GPC5: variants seen among roughly 807,000 people sequenced by gnomAD.
The protein encoded by GPC5 is glypican 5, also known as glypican-5.
A neutral mutation model predicts 53.9 loss-of-function variants in GPC5; 47 were observed. That is an observed-to-expected ratio of 0.87 (90% CI 0.69 to 1.11). The LOEUF (loss-of-function observed/expected upper bound fraction) is 1.11. GPC5 is among the 50% of genes most tolerant of loss of function. The probability of loss-of-function intolerance (pLI) is 0.00; values close to 1 mark genes in which losing one functional copy is unlikely to be tolerated. For missense variants in GPC5, 748 were observed against 713.1 expected (o/e 1.05, Z -0.56); for synonymous variants, 286 against 263.3 (o/e 1.09, Z -0.84).
chr13:91,831,959 T>C (rs1430491371), intron 5 of GPC5, among the ~76,000 whole-genome samples: 2 of 151,968 alleles, frequency 1.3e-5, no homozygotes, highest in Non-Finnish European at 1.5e-5. Context: ...GAGAGTTCTG[T>C]AGATGCCTAT....
chr13:92,091,486 T>C (rs1431753424), intron 6 of GPC5, among the ~76,000 whole-genome samples: 3 of 151,956 alleles, frequency 2.0e-5, no homozygotes, highest in Admixed American at 2.0e-4. Flanking sequence ...AAATTTATTT[T>C]ATAAATGAAC....
intron 7 of GPC5, among the ~76,000 whole-genome samples, chr13:92,287,108 TAACA>T (rs1161038804): frequency 6.6e-6 from 1 of 152,206 alleles, no homozygotes; most frequent in Non-Finnish European, 1.5e-5. Context: ...TATGGCAGCC[TAACA>T]AACTAATGGA....
intron 3 of GPC5, among the ~76,000 whole-genome samples, chr13:91,719,579 G>A (rs1451135474): frequency 6.6e-6 from 1 of 151,966 alleles, no homozygotes; most frequent in Admixed American, 6.6e-5. Flanking sequence ...CTTTTATTCA[G>A]TTATTGACAT....
At chr13:91,674,214 T>A (rs1163610119) in intron 2 of GPC5, among the ~76,000 whole-genome samples, 3 of 152,068 alleles carry the variant, frequency 2.0e-5, no homozygotes, top group African/African-American at 7.2e-5. Flanking sequence ...TTGGATAAGA[T>A]TATTTCTGGG....
intron 7 of GPC5, among the ~76,000 whole-genome samples, chr13:92,555,775 G>T (rs1438785358): frequency 6.7e-6 from 1 of 149,630 alleles, no homozygotes; most frequent in African/African-American, 2.4e-5. Flanking sequence ...TAATAAATAT[G>T]TTTAAAATAT....
chr13:92,251,503 T>C (rs1342970954), intron 7 of GPC5, among the ~76,000 whole-genome samples: 1 of 152,060 alleles, frequency 6.6e-6, no homozygotes, highest in East Asian at 1.9e-4. Context: ...GGGTGTAGCC[T>C]GAGGTAGGGG....
At chr13:91,866,125 C>T (rs1256653968) in intron 5 of GPC5, among the ~76,000 whole-genome samples, 1 of 152,182 alleles carries the variant, frequency 6.6e-6, no homozygotes, top group East Asian at 1.9e-4. Context: ...ACCTCAGCCT[C>T]CCAAAGTGCT....
intron 7 of GPC5, among the ~76,000 whole-genome samples, chr13:92,781,490 T>G (rs1214287169): frequency 1.3e-5 from 2 of 152,162 alleles, no homozygotes; most frequent in Non-Finnish European, 2.9e-5. Flanking sequence ...ATTATTTTGA[T>G]GTACAGGTTT....
chr13:92,866,178 T>A, intron 7 of GPC5, 104 bp from the exon 8 acceptor site: 1 of 907,672 alleles, frequency 1.1e-6, no homozygotes, highest in South Asian at 2.5e-5. Context: ...TAGAGAATGG[T>A]CCCCAAAAAC....
chr13:92,547,967 C>T (rs1304870269), intron 7 of GPC5, among the ~76,000 whole-genome samples: 1 of 150,226 alleles, frequency 6.7e-6, no homozygotes, highest in Non-Finnish European at 1.5e-5. Context: ...GGAGCTGGGA[C>T]TACAGGTGCC....
chr13:91,687,685 T>C (rs1053579748), intron 2 of GPC5, among the ~76,000 whole-genome samples: 1 of 152,040 alleles, frequency 6.6e-6, no homozygotes, highest in African/African-American at 2.4e-5. Context: ...GATAGACTTA[T>C]TCTGATATCA....
intron 5 of GPC5, among the ~76,000 whole-genome samples, chr13:91,848,769 T>C (rs1054417162): frequency 3.3e-5 from 5 of 152,196 alleles, no homozygotes; most frequent in African/African-American, 1.2e-4. Context: ...CCAGAGACAT[T>C]CTGATGATTG....
chr13:92,113,440 G>C (rs77256561), intron 6 of GPC5, among the ~76,000 whole-genome samples: 3,878 of 152,232 alleles, frequency 0.025, 167 homozygotes, highest in African/African-American at 0.089. Flanking sequence ...ATGTCTCTTT[G>C]TTGACTAAGC....
At chr13:91,514,773 T>A (rs1303651873) in intron 2 of GPC5, among the ~76,000 whole-genome samples, 2 of 152,196 alleles carry the variant, frequency 1.3e-5, no homozygotes, top group Non-Finnish European at 2.9e-5. Flanking sequence ...GAGGTCTTTC[T>A]TTTGTAACTC....
At chr13:92,732,720 T>C (rs1888840013) in intron 7 of GPC5, among the ~76,000 whole-genome samples, 1 of 151,744 alleles carries the variant, frequency 6.6e-6, no homozygotes, top group African/African-American at 2.4e-5. Context: ...CAGTTCCTAG[T>C]ATCTTCTTAC....
intron 3 of GPC5, among the ~76,000 whole-genome samples, chr13:91,716,380 C>T (rs1331875833): frequency 2.6e-5 from 4 of 152,236 alleles, no homozygotes; most frequent in Admixed American, 6.5e-5. Flanking sequence ...TTCACAGTAA[C>T]GTGAGAGACT....
intron 2 of GPC5, among the ~76,000 whole-genome samples, chr13:91,546,717 A>G (rs1452434987): frequency 6.6e-6 from 1 of 152,134 alleles, no homozygotes; most frequent in Non-Finnish European, 1.5e-5. Flanking sequence ...AACAAGTGCA[A>G]GAAGATCAAG....
At chr13:91,871,582 AC>A (rs1193943587) in intron 5 of GPC5, among the ~76,000 whole-genome samples, 1 of 152,160 alleles carries the variant, frequency 6.6e-6, no homozygotes, top group African/African-American at 2.4e-5. Context: ...TAAATATATA[AC>A]TTCTAACTTA....
chr13:91,916,016 A>T (rs915185285), intron 6 of GPC5, among the ~76,000 whole-genome samples: 7 of 152,360 alleles, frequency 4.6e-5, no homozygotes, highest in African/African-American at 1.7e-4. Flanking sequence ...GTGCTAAGGA[A>T]CATGACTTCT....
Sources: allele counts gnomAD v4.1 joint callset (sites outside exome capture counted in the v4.1 genomes callset), GRCh38; gene constraint gnomAD v4.1.1; transcripts MANE v1.5; gene names NCBI Gene and HGNC (gene_info 2026-07-23, HGNC 2026-07-21).